Variants in SLIT3 observed in about 807,000 individuals in gnomAD.
The protein encoded by SLIT3 is slit homolog 3 protein.
Under a neutral mutation model 184.0 loss-of-function variants are expected in SLIT3, and 68 were observed. That is an observed-to-expected ratio of 0.37 (90% CI 0.30 to 0.45). The LOEUF is 0.45. Ranked by LOEUF, SLIT3 falls within the 20% of genes least tolerant of loss-of-function variation. The pLI, the probability that SLIT3 is intolerant of heterozygous loss-of-function variation, is 1.00. For missense variants in SLIT3, 1,707 were observed against 2,026.0 expected (o/e 0.84, Z 3.02); for synonymous variants, 831 against 828.6 (o/e 1.00, Z -0.05).
In SLIT3 at chr5:168,880,889, T is replaced by C. The variant is rs74589495; in HGVS notation, c.485+2376A>G. Among the ~76,000 whole-genome samples the C allele has an allele frequency of 7.3e-3, 1,119 of 152,348 alleles. 13 individuals carry two copies. Among genetic ancestry groups the C allele is most frequent in the African/African-American group, 0.025 (1,021 of 41,578 alleles). On this transcript the variant is annotated intron_variant, in intron 5 of 35. Coordinates refer to ENST00000519560, the MANE Select transcript of SLIT3 (RefSeq NM_003062.4). ...ACTTATTAGCCAACTTTCATGTTGA[T>C]TGGTACTTTACTAAACATTTTCTTG...
chr5:169,246,544 A>G (rs1289606521), intron 2 of SLIT3, among the ~76,000 whole-genome samples: 1 of 152,184 alleles, frequency 6.6e-6, no homozygotes, highest in African/African-American at 2.4e-5. Flanking sequence ...GAGAAAATAA[A>G]ACACTGCAAA....
chr5:169,276,425 A>T (rs77576250), intron 1 of SLIT3, among the ~76,000 whole-genome samples: 10,302 of 152,230 alleles, frequency 0.068, 536 homozygotes, highest in Admixed American at 0.18. Flanking sequence ...GTCCATTACC[A>T]ATTTGGACTT....
intron 4 of SLIT3, among the ~76,000 whole-genome samples, chr5:168,892,383 G>A (rs1436639101): frequency 1.3e-5 from 2 of 152,194 alleles, no homozygotes; most frequent in Non-Finnish European, 2.9e-5. Context: ...ATATTGGACA[G>A]TATGTTTTAG....
chr5:168,856,809 G>GCA (rs1554149492), intron 5 of SLIT3, among the ~76,000 whole-genome samples: 13 of 145,412 alleles, frequency 8.9e-5, no homozygotes, highest in African/African-American at 1.2e-4. Flanking sequence ...GTGTGTGTGC[G>GCA]CGCGCGCGCA....
At chr5:169,160,460 C>G (rs1405867100) in intron 4 of SLIT3, among the ~76,000 whole-genome samples, 1 of 152,164 alleles carries the variant, frequency 6.6e-6, no homozygotes, top group Admixed American at 6.5e-5. Context: ...TGAAAGGCTT[C>G]CTTTCACAGT....
rs940000077 is a variant in SLIT3, at chr5:168,922,609, A to G, written c.414-39273T>C. Among the ~76,000 whole-genome samples, 13 of 152,190 alleles carry G rather than the reference A, an allele frequency of 8.5e-5. No homozygotes were observed. In the East Asian group the frequency reaches 2.1e-3, roughly 25 times the overall value. ...GAGAGAGAAAAAGGGCACAGATCAG[A>G]GCTGGTCTTCAACTGCAGATGCTGG... is the stretch of plus-strand genomic sequence containing the variant. On this transcript the variant is annotated intron_variant, in intron 4 of 35. Coordinates refer to ENST00000519560, the MANE Select transcript of SLIT3 (RefSeq NM_003062.4).
intron 4 of SLIT3, among the ~76,000 whole-genome samples, chr5:168,929,666 T>A (rs1245223330): frequency 6.6e-6 from 1 of 152,218 alleles, no homozygotes; most frequent in Non-Finnish European, 1.5e-5. Flanking sequence ...GAGTGGCAGG[T>A]TATTTATCTG....
intron 2 of SLIT3, among the ~76,000 whole-genome samples, chr5:169,245,287 C>G (rs938098780): frequency 6.6e-6 from 1 of 152,148 alleles, no homozygotes; most frequent in African/African-American, 2.4e-5. Flanking sequence ...TAATCCCAAT[C>G]TCATGATGAT....
At chr5:169,189,083 A>G (rs983261722) in intron 4 of SLIT3, among the ~76,000 whole-genome samples, 2 of 152,204 alleles carry the variant, frequency 1.3e-5, no homozygotes, top group Non-Finnish European at 2.9e-5. Context: ...ATATAAGTTC[A>G]GGGAACTTCC....
At chr5:169,214,685 T>C (rs1393004302) in intron 3 of SLIT3, among the ~76,000 whole-genome samples, 1 of 152,184 alleles carries the variant, frequency 6.6e-6, no homozygotes, top group African/African-American at 2.4e-5. Context: ...GTGAAAGGGA[T>C]ATGCTGCTCT....
At chr5:169,041,969 C>T (rs1173669896) in intron 4 of SLIT3, among the ~76,000 whole-genome samples, 1 of 152,192 alleles carries the variant, frequency 6.6e-6, no homozygotes, top group African/African-American at 2.4e-5. Flanking sequence ...TCTCTTCCCT[C>T]ATTTAAATCT....
intron 18 of SLIT3, 190 bp downstream of exon 18, chr5:168,752,765 A>C: frequency 1.7e-6 from 1 of 590,258 alleles, no homozygotes; most frequent in South Asian, 2.1e-5. Flanking sequence ...GAGTTCCAGG[A>C]AGGAGGGGCC....
At chr5:168,731,201 C>T (rs145205926) in intron 20 of SLIT3, among the ~76,000 whole-genome samples, 7 of 151,878 alleles carry the variant, frequency 4.6e-5, no homozygotes, top group African/African-American at 9.6e-5. Context: ...GATAAATTCC[C>T]GGAAGCATGC....
At chr5:168,772,576 G>A (rs1755592511) in intron 14 of SLIT3, 1 of 580,500 alleles carries the variant, frequency 1.7e-6, no homozygotes. Context: ...TTTATTGTGT[G>A]TGTGTGTGTG....
intron 20 of SLIT3, among the ~76,000 whole-genome samples, chr5:168,737,696 G>T (rs1200354549): frequency 6.6e-6 from 1 of 152,184 alleles, no homozygotes; most frequent in Non-Finnish European, 1.5e-5. Flanking sequence ...AGATATGGGG[G>T]AAAGCTGTTC....
intron 7 of SLIT3, among the ~76,000 whole-genome samples, chr5:168,822,658 T>C (rs979543451): frequency 9.2e-5 from 14 of 152,120 alleles, no homozygotes; most frequent in Non-Finnish European, 1.5e-4. Flanking sequence ...TTCCTGAGTA[T>C]GCACCCTGGA....
intron 4 of SLIT3, among the ~76,000 whole-genome samples, chr5:169,147,164 G>GAT (rs1761952409): frequency 6.6e-6 from 1 of 152,206 alleles, no homozygotes; most frequent in Non-Finnish European, 1.5e-5. Context: ...TCTTTGGGTA[G>GAT]ATACACCTTT....
rs564516796 is a variant in SLIT3 at position 169,108,951 on chromosome 5, T to C, written c.413+84528A>G. ...GCCTCTGTCTGTGGTGGACAGGCCC[T>C]TGGGGGGTCTCTTGATGATTTTCTG... On this transcript the variant is annotated intron_variant, in intron 4 of 35. Transcript: ENST00000519560. Among the ~76,000 whole-genome samples, 18 of 152,276 alleles carry C rather than the reference T, an allele frequency of 1.2e-4. No homozygotes were observed. The East Asian group carries it at 3.5e-3, about 29-fold the overall frequency.
At chr5:168,834,951 G>A (rs1454188712) in intron 6 of SLIT3, among the ~76,000 whole-genome samples, 4 of 152,204 alleles carry the variant, frequency 2.6e-5, no homozygotes, top group Non-Finnish European at 4.4e-5. Context: ...AGGTAGCCAT[G>A]AGCTACACGT....
Sources: gnomAD v4.1 joint callset for allele counts (sites outside exome capture counted in the v4.1 genomes callset) on GRCh38, gnomAD v4.1.1 for gene constraint, MANE v1.5 for transcripts, NCBI Gene and HGNC (gene_info 2026-07-23, HGNC 2026-07-21) for gene names.